The following HHAT variants were observed in gnomAD, a reference collection of about 807,000 sequenced individuals.
The protein encoded by HHAT is hedgehog acyltransferase.
HHAT carries 47 observed loss-of-function variants against 70.8 expected under a neutral mutation model. The observed-to-expected ratio is 0.66, with a 90% CI of 0.53 to 0.85. HHAT has a LOEUF of 0.85. HHAT is among the 40% of genes least tolerant of loss of function. The pLI is 0.00. For missense variants in HHAT, 609 were observed against 604.8 expected (o/e 1.01, Z -0.07); for synonymous variants, 228 against 247.6 (o/e 0.92, Z 0.74).
intron 7 of HHAT, among the ~76,000 whole-genome samples, chr1:210,438,554 G>A (rs1345720931): frequency 6.6e-6 from 1 of 151,608 alleles, no homozygotes; most frequent in Admixed American, 6.6e-5. Context: ...TAAGGCATCT[G>A]GTATACCTGC....
intron 10 of HHAT, among the ~76,000 whole-genome samples, chr1:210,614,240 C>T (rs1209553537): frequency 1.3e-5 from 2 of 151,944 alleles, no homozygotes; most frequent in Non-Finnish European, 2.9e-5. Flanking sequence ...CATAGAGATA[C>T]ACAACTGTTT....
At chr1:210,329,358 C>T in intron 1 of HHAT, 1 of 1,189,004 alleles carries the variant, frequency 8.4e-7, no homozygotes, top group Admixed American at 4.5e-5. Flanking sequence ...CACGGCCCTG[C>T]CCACGTCCTC....
chr1:210,507,658 C>T (rs1481538518), intron 8 of HHAT, among the ~76,000 whole-genome samples: 1 of 152,028 alleles, frequency 6.6e-6, no homozygotes, highest in East Asian at 1.9e-4. Flanking sequence ...CGCACCTGGC[C>T]ATGAGAATAT....
intron 9 of HHAT, among the ~76,000 whole-genome samples, chr1:210,555,636 A>G (rs192183343): frequency 6.6e-6 from 1 of 152,332 alleles, no homozygotes; most frequent in East Asian, 1.9e-4. Flanking sequence ...CCTTTGACAC[A>G]CTGTCCCTCA....
At chr1:210,590,648 C>G (rs1661507336) in intron 10 of HHAT, 1 of 149,072 alleles carries the variant, frequency 6.7e-6, no homozygotes, top group African/African-American at 2.5e-5. Flanking sequence ...CTATTCTATT[C>G]AGAACTTCAA....
chr1:210,643,911 A>C (rs528318569), intron 11 of HHAT, among the ~76,000 whole-genome samples: 1 of 148,106 alleles, frequency 6.8e-6, no homozygotes, highest in Non-Finnish European at 1.5e-5. Flanking sequence ...TGAAATTTTT[A>C]TTTTATGGAG....
intron 10 of HHAT, among the ~76,000 whole-genome samples, chr1:210,591,342 A>C (rs1446778780): frequency 6.6e-6 from 1 of 152,012 alleles, no homozygotes; most frequent in Non-Finnish European, 1.5e-5. Flanking sequence ...TCCCTTAATT[A>C]CTTCCAGTTC....
At chr1:210,496,272 G>A (rs1260934891) in intron 8 of HHAT, among the ~76,000 whole-genome samples, 1 of 152,132 alleles carries the variant, frequency 6.6e-6, no homozygotes. Flanking sequence ...TTGGCAGGAG[G>A]CCTCAGCGTC....
At chr1:210,337,673 G>C (rs1022813480) in intron 1 of HHAT, among the ~76,000 whole-genome samples, 12 of 152,212 alleles carry the variant, frequency 7.9e-5, no homozygotes, top group African/African-American at 2.9e-4. Flanking sequence ...CCTCCTGTAA[G>C]GAACCTTGTG....
chr1:210,464,740 T>TATCCTCTCC (rs1295072116), intron 8 of HHAT, 85 bp downstream of exon 8: 2 of 1,388,716 alleles, frequency 1.4e-6, no homozygotes, highest in Non-Finnish European at 2.0e-6. Flanking sequence ...TTCGGGCTAC[T>TATCCTCTCC]ATCCTCTCCC....
chr1:210,497,649 T>C (rs933738567), intron 8 of HHAT, among the ~76,000 whole-genome samples: 10 of 152,188 alleles, frequency 6.6e-5, no homozygotes, highest in African/African-American at 2.2e-4. Flanking sequence ...GGCTTCTCTC[T>C]ATCTTCCAGT....
At chr1:210,354,187 CATA>C (rs1195586515) in intron 2 of HHAT, among the ~76,000 whole-genome samples, 1 of 132,466 alleles carries the variant, frequency 7.5e-6, no homozygotes, top group African/African-American at 2.8e-5. Flanking sequence ...GATAACTAAA[CATA>C]ATGTCTTTTT....
At chr1:210,329,585 G>A in intron 1 of HHAT, 1 of 594,096 alleles carries the variant, frequency 1.7e-6, no homozygotes, top group South Asian at 7.4e-5. Flanking sequence ...AAACCCTCCC[G>A]CTAATCCTCA....
At chr1:210,361,892 G>A (rs1414140397) in intron 2 of HHAT, among the ~76,000 whole-genome samples, 5 of 151,988 alleles carry the variant, frequency 3.3e-5, no homozygotes, top group African/African-American at 7.3e-5. Flanking sequence ...CCTCAGCATC[G>A]GCTCCCACAG....
At chr1:210,584,723 G>T (rs1660050543) in intron 9 of HHAT, among the ~76,000 whole-genome samples, 1 of 152,078 alleles carries the variant, frequency 6.6e-6, no homozygotes, top group Admixed American at 6.5e-5. Context: ...AGCCTCCTTT[G>T]CCCCACTGTC....
chr1:210,362,247 TTTTC>T (rs1393267099), intron 2 of HHAT, among the ~76,000 whole-genome samples: 6 of 119,954 alleles, frequency 5.0e-5, no homozygotes, highest in African/African-American at 1.6e-4. Context: ...TTTTTTTTTT[TTTTC>T]TTTTCTTTTT....
chr1:210,628,307 G>A lies in HHAT; in HGVS notation c.1390+4637G>A, dbSNP rs185281035. ...AGTCTGCCTGCTTTTGTCCAGGGAA[G>A]CCATGGACTTTGTTTAAAAAAAAGA... On this transcript the variant is annotated intron_variant, in intron 11 of 11. Coordinates refer to ENST00000261458, the MANE Select transcript of HHAT (RefSeq NM_018194.6). 1.1e-4 allele frequency among the ~76,000 whole-genome samples: 16 copies of A among 152,046 alleles called. No individual in the cohort carries two copies. The East Asian group carries it at 3.1e-3, about 29-fold the overall frequency.
chr1:210,646,909 A>G (rs562179456), intron 11 of HHAT, among the ~76,000 whole-genome samples: 2 of 152,346 alleles, frequency 1.3e-5, no homozygotes, highest in East Asian at 3.9e-4. Flanking sequence ...AAAAAACATT[A>G]GCATCCCCAG....
intron 10 of HHAT, among the ~76,000 whole-genome samples, chr1:210,601,989 G>A (rs912912368): frequency 6.6e-6 from 1 of 150,772 alleles, no homozygotes; most frequent in South Asian, 2.1e-4. Context: ...GTGTGTGTAT[G>A]TGTGCACACA....
Sources: gnomAD v4.1 joint callset for allele counts (sites outside exome capture counted in the v4.1 genomes callset) on GRCh38, gnomAD v4.1.1 for gene constraint, MANE v1.5 for transcripts, NCBI Gene and HGNC (gene_info 2026-07-23, HGNC 2026-07-21) for gene names.